Variants in GPR158 observed in about 807,000 individuals in gnomAD.
GPR158 encodes the protein metabotropic glycine receptor.
Under a neutral mutation model 78.2 loss-of-function variants are expected in GPR158, and 30 were observed. The observed-to-expected ratio is 0.38, with a 90% CI of 0.29 to 0.52. GPR158 has a LOEUF of 0.52. Ranked by LOEUF, GPR158 falls within the 20% of genes least tolerant of loss-of-function variation. GPR158 has a pLI of 0.83. For synonymous variants in GPR158, 581 were observed against 591.1 expected (o/e 0.98, Z 0.25); for missense variants, 1,463 against 1,523.5 (o/e 0.96, Z 0.66).
chr10:25,278,729 TTAAAATTAATTAAA>T (rs1448001838), intron 2 of GPR158, among the ~76,000 whole-genome samples: 1 of 151,294 alleles, frequency 6.6e-6, no homozygotes, highest in Admixed American at 6.6e-5. Context: ...GACAAAATAA[TTAAAATTAATTAAA>T]TAATTAAAGT....
intron 2 of GPR158, among the ~76,000 whole-genome samples, chr10:25,331,978 C>T (rs2130493317): frequency 6.6e-6 from 1 of 151,934 alleles, no homozygotes; most frequent in South Asian, 2.1e-4. Flanking sequence ...AATATATAAA[C>T]AAAAAATTGA....
chr10:25,278,603 C>T (rs911617114), intron 2 of GPR158, among the ~76,000 whole-genome samples: 4 of 151,650 alleles, frequency 2.6e-5, no homozygotes, highest in Non-Finnish European at 5.9e-5. Context: ...GAAACTCATA[C>T]TGAGATGTAT....
At chr10:25,596,573 A>G (rs377740795) in intron 9 of GPR158, 70 bp from the exon 10 acceptor site, 31 of 856,106 alleles carry the variant, frequency 3.6e-5, no homozygotes, top group African/African-American at 6.7e-5. Flanking sequence ...ATAGGTATAG[A>G]TATAGATATA....
intron 6 of GPR158, among the ~76,000 whole-genome samples, chr10:25,560,061 G>C (rs150512905): frequency 2.0e-5 from 3 of 152,280 alleles, no homozygotes; most frequent in African/African-American, 7.2e-5. Flanking sequence ...CAGTGTGACT[G>C]TAAGTTATTC....
At chr10:25,261,569 C>T (rs1438872503) in intron 2 of GPR158, among the ~76,000 whole-genome samples, 1 of 152,066 alleles carries the variant, frequency 6.6e-6, no homozygotes. Flanking sequence ...AGACTAGTTT[C>T]ATAGTCTCAG....
At chr10:25,385,952 G>A (rs1262282077) in intron 2 of GPR158, among the ~76,000 whole-genome samples, 1 of 152,088 alleles carries the variant, frequency 6.6e-6, no homozygotes, top group Non-Finnish European at 1.5e-5. Flanking sequence ...ATGCAAATAA[G>A]TTTTTAAATT....
chr10:25,595,158 A>T (rs1837384205), intron 9 of GPR158, among the ~76,000 whole-genome samples: 1 of 152,190 alleles, frequency 6.6e-6, no homozygotes, highest in African/African-American at 2.4e-5. Context: ...CACAGCTGAA[A>T]CCAGAATTAT....
At chr10:25,441,401 T>C (rs1344520496) in intron 4 of GPR158, among the ~76,000 whole-genome samples, 1 of 152,258 alleles carries the variant, frequency 6.6e-6, no homozygotes, top group Non-Finnish European at 1.5e-5. Flanking sequence ...ATTCATTCCA[T>C]GTTCTTCACC....
At chr10:25,483,223 C>G (rs1835681979) in intron 5 of GPR158, among the ~76,000 whole-genome samples, 1 of 152,026 alleles carries the variant, frequency 6.6e-6, no homozygotes. Context: ...AGAATGAAAC[C>G]TAGAGACCGA....
At position 25,194,610 on chromosome 10, in the gene GPR158, A is replaced by C. The variant is rs188739985; in HGVS notation, c.902+18288A>C. Among the ~76,000 whole-genome samples, 3 of 152,312 alleles carry C rather than the reference A, an allele frequency of 2.0e-5. No individual in the cohort carries two copies. The East Asian group carries it at 5.8e-4, about 29-fold the overall frequency. On this transcript the variant is annotated intron_variant, in intron 1 of 10. Transcript: ENST00000376351. ...GACTTGGAGGAGTTAGAGGAGGCCAATTCTGCATGACAGGAGAAGGAAGTA... is the reference window on the plus strand; with the variant it reads ...GACTTGGAGGAGTTAGAGGAGGCCACTTCTGCATGACAGGAGAAGGAAGTA...
chr10:25,222,077 C>T (rs1040434930), intron 2 of GPR158, among the ~76,000 whole-genome samples: 71 of 152,150 alleles, frequency 4.7e-4, no homozygotes, highest in African/African-American at 1.6e-3. Context: ...CTTATTTGTG[C>T]CATTACACAA....
intron 2 of GPR158, among the ~76,000 whole-genome samples, chr10:25,357,766 G>A (rs955357440): frequency 1.3e-5 from 2 of 151,112 alleles, no homozygotes; most frequent in Non-Finnish European, 2.9e-5. Context: ...AGTGTGAAAG[G>A]GAAATGTGGG....
At chr10:25,440,295 G>GGGGT (rs1835051192) in intron 4 of GPR158, among the ~76,000 whole-genome samples, 1 of 152,162 alleles carries the variant, frequency 6.6e-6, no homozygotes, top group Admixed American at 6.5e-5. Context: ...TTAGCCTTGA[G>GGGGT]GGGTGGATAG....
intron 5 of GPR158, among the ~76,000 whole-genome samples, chr10:25,484,148 T>C (rs1185734094): frequency 6.6e-6 from 1 of 152,122 alleles, no homozygotes; most frequent in African/African-American, 2.4e-5. Context: ...CTGTTATCTG[T>C]TCCCTCTGCC....
intron 4 of GPR158, among the ~76,000 whole-genome samples, chr10:25,456,309 A>G (rs1413723694): frequency 1.3e-5 from 2 of 152,212 alleles, no homozygotes; most frequent in East Asian, 1.9e-4. Context: ...CATAAGGAAC[A>G]TAACAAGTCC....
intron 2 of GPR158, among the ~76,000 whole-genome samples, chr10:25,371,559 A>G (rs1345841184): frequency 2.0e-5 from 3 of 148,516 alleles, no homozygotes; most frequent in Non-Finnish European, 4.5e-5. Flanking sequence ...CCACATATCT[A>G]CAACTATCTG....
intron 5 of GPR158, among the ~76,000 whole-genome samples, chr10:25,508,749 C>T (rs1308654736): frequency 1.3e-5 from 2 of 152,058 alleles, no homozygotes; most frequent in Admixed American, 1.3e-4. Flanking sequence ...TTTTTAAGTA[C>T]TAGTTTCTGC....
intron 4 of GPR158, among the ~76,000 whole-genome samples, chr10:25,418,181 G>A (rs2130556587): frequency 6.6e-6 from 1 of 152,244 alleles, no homozygotes; most frequent in African/African-American, 2.4e-5. Flanking sequence ...GTATAGATAC[G>A]TATGTCTTTC....
Position 25,175,648 on chromosome 10 carries a change from G to C in GPR158, c.228G>C (p.Glu76Asp). The C allele has an allele frequency of 6.2e-7, 1 of 1,611,448 alleles. No homozygotes were observed. Among genetic ancestry groups the C allele is most frequent in the Non-Finnish European group, 8.5e-7 (1 of 1,179,946 alleles). Residue 76 changes from glutamate (E) to aspartate (D), a missense_variant, in exon 1 of 11, where the codon GAG (glutamate) becomes GAC (aspartate). By Grantham distance (45) the Glu-to-Asp change is conservative. Transcript: ENST00000376351. The surrounding 1 kb of genome is among the most constrained non-coding windows in gnomAD (Gnocchi z 6.4). ...DGTILAQKLA[E>D]EVPMDVASYL... is the part of the protein sequence containing the mutation. ...CCATCTTGGCGCAGAAACTCGCCGAGGAGGTGCCCATGGACGTGGCCTCTT... is the reference window on the plus strand; with the variant it reads ...CCATCTTGGCGCAGAAACTCGCCGACGAGGTGCCCATGGACGTGGCCTCTT...
Sources: gnomAD v4.1 joint callset for allele counts (sites outside exome capture counted in the v4.1 genomes callset) on GRCh38, gnomAD v4.1.1 for gene constraint, Gnocchi (gnomAD v3.1) non-coding constraint, MANE v1.5 for transcripts, NCBI Gene and HGNC (gene_info 2026-07-23, HGNC 2026-07-21) for gene names.